GOLIM4: variants seen among roughly 807,000 people sequenced by gnomAD.
GOLIM4 encodes golgi integral membrane protein 4.
In GOLIM4, 71 loss-of-function variants were observed where a neutral mutation model predicts 107.4. The observed-to-expected ratio is 0.66, with a 90% CI of 0.55 to 0.81. The LOEUF (loss-of-function observed/expected upper bound fraction) is 0.81. Ranked by LOEUF, GOLIM4 falls within the 30% of genes least tolerant of loss-of-function variation. The pLI is 0.00. For missense variants in GOLIM4, 830 were observed against 826.1 expected, an observed-to-expected ratio of 1.00 and a Z score of -0.06; for synonymous variants, 327 against 294.8, an observed-to-expected ratio of 1.11 and a Z score of -1.12.
At chr3:168,075,286 GTTTTTTTTTTTT>G (rs374374393) in intron 1 of GOLIM4, among the ~76,000 whole-genome samples, 14 of 94,222 alleles carry the variant, frequency 1.5e-4, no homozygotes, top group East Asian at 2.8e-4. Context: ...ACATTCACTA[GTTTTTTTTTTTT>G]TTTTTTTTTT....
At chr3:168,041,323 C>G (rs2108243854) in intron 6 of GOLIM4, 69 bp downstream of exon 6, 2 of 921,832 alleles carry the variant, frequency 2.2e-6, no homozygotes, top group East Asian at 4.8e-5. Flanking sequence ...TAGGGAATGA[C>G]TTTTTAAAGT....
At chr3:168,072,258 G>T (rs192280924) in intron 1 of GOLIM4, among the ~76,000 whole-genome samples, 2 of 152,226 alleles carry the variant, frequency 1.3e-5, no homozygotes, top group African/African-American at 4.8e-5. Flanking sequence ...TCAGTGATGG[G>T]GTGGGAAGTC....
intron 1 of GOLIM4, among the ~76,000 whole-genome samples, chr3:168,079,562 A>C (rs1337894820): frequency 6.6e-6 from 1 of 152,218 alleles, no homozygotes; most frequent in Non-Finnish European, 1.5e-5. Context: ...GTTACAATTC[A>C]AAGTTGAATA....
chr3:168,015,576 T>A (rs1362037375), intron 14 of GOLIM4, among the ~76,000 whole-genome samples: 3 of 136,944 alleles, frequency 2.2e-5, no homozygotes, highest in African/African-American at 1.1e-4. Context: ...AGAGCCCGCA[T>A]CGCCAAGTCA....
intron 14 of GOLIM4, among the ~76,000 whole-genome samples, chr3:168,011,540 C>G (rs1273731169): frequency 6.6e-6 from 1 of 151,842 alleles, no homozygotes; most frequent in Non-Finnish European, 1.5e-5. Flanking sequence ...GCGGAGCCCA[C>G]CACAGCTCAA....
Position 168,095,098 on chromosome 3 carries a change from C to T in GOLIM4, c.187+1G>A. 1 of 1,598,992 alleles carries T rather than the reference C, an allele frequency of 6.3e-7. No homozygotes were observed. The highest frequency in any genetic ancestry group is 8.6e-7 in the Non-Finnish European group (1 of 1,168,646). On this transcript the variant is annotated splice_donor_variant, in intron 1 of 15. Coordinates refer to ENST00000470487, the MANE Select transcript of GOLIM4 (RefSeq NM_014498.5). LOFTEE classifies it high-confidence loss of function. ...GGCTGCGCGCGTCCCGTTAGCCGTA[C>T]CTTGTAACTGGGCGGAGAGGGACTC...
chr3:168,039,588 C>T (rs2108241519), intron 7 of GOLIM4, among the ~76,000 whole-genome samples: 1 of 152,190 alleles, frequency 6.6e-6, no homozygotes, highest in South Asian at 2.1e-4. Context: ...TATTATAAAA[C>T]CCTGTGAGTA....
chr3:168,055,466 G>A (rs1719894821), intron 1 of GOLIM4, among the ~76,000 whole-genome samples: 1 of 152,078 alleles, frequency 6.6e-6, no homozygotes, highest in Non-Finnish European at 1.5e-5. Flanking sequence ...ATGATTTAGG[G>A]ATCTGGTGGA....
chr3:168,068,152 T>C (rs1204303434), intron 1 of GOLIM4, among the ~76,000 whole-genome samples: 1 of 152,150 alleles, frequency 6.6e-6, no homozygotes, highest in African/African-American at 2.4e-5. Flanking sequence ...AATATATATG[T>C]GATACTACTG....
chr3:168,063,889 A>C (rs1387566411), intron 1 of GOLIM4, among the ~76,000 whole-genome samples: 3 of 152,138 alleles, frequency 2.0e-5, no homozygotes, highest in Non-Finnish European at 4.4e-5. Context: ...TTGAAGGAAA[A>C]AAAAAGAAGC....
At position 168,030,343 on chromosome 3, in the gene GOLIM4, C is replaced by T. The variant is rs922035714; in HGVS notation, c.1177-307G>A. On this transcript the variant is annotated intron_variant, in intron 9 of 15. Transcript: ENST00000470487. ...AGTTTCAAACTGTAAAATTTATGTTCACAAGGCTCTGATATAAACAAGTAG... is the reference window on the plus strand; with the variant it reads ...AGTTTCAAACTGTAAAATTTATGTTTACAAGGCTCTGATATAAACAAGTAG... Among the ~76,000 whole-genome samples, 3 of 152,086 alleles carry T rather than the reference C, an allele frequency of 2.0e-5. No homozygotes were observed. In the East Asian group the frequency reaches 5.8e-4, roughly 29 times the overall value.
intron 1 of GOLIM4, among the ~76,000 whole-genome samples, chr3:168,050,292 G>A (rs1719541809): frequency 6.6e-6 from 1 of 152,138 alleles, no homozygotes; most frequent in Non-Finnish European, 1.5e-5. Context: ...ACATATACAT[G>A]TATGGAGTGT....
At chr3:168,079,947 T>C (rs943848166) in intron 1 of GOLIM4, among the ~76,000 whole-genome samples, 7 of 152,188 alleles carry the variant, frequency 4.6e-5, no homozygotes, top group African/African-American at 1.7e-4. Flanking sequence ...TTGTCATGAA[T>C]ATTAAGTTTA....
At position 168,076,717 on chromosome 3, in the gene GOLIM4, T is replaced by TCAAC. The variant is rs1278414451; in HGVS notation, c.187+18381_187+18382insGTTG. Among the ~76,000 whole-genome samples, 134 of 152,070 alleles carry TCAAC rather than the reference T, an allele frequency of 8.8e-4. 12 individuals carry two copies. The highest frequency in any genetic ancestry group is 1.2e-3 in the Non-Finnish European group (79 of 67,956). On this transcript the variant is annotated intron_variant, in intron 1 of 15. Transcript: ENST00000470487. ...ATCAATCAATCAATCAATCAATCAA[T>TCAAC]AAAATGGTTAATCATATCATCTTTT...
rs76146698 is a variant in GOLIM4, at chr3:168,045,808, C to G, written c.313-927G>C. Among the ~76,000 whole-genome samples, 117 of 152,266 alleles carry G rather than the reference C, an allele frequency of 7.7e-4. 4 individuals are homozygous for G. In the East Asian group the frequency reaches 0.022, roughly 29 times the overall value. Reference sequence around the variant, plus strand: ...GTAAGGAAATTACAAGTGCACACAGCTTTGGTTAGTGCTGTTAAAAGCAAG... The same window carrying G: ...GTAAGGAAATTACAAGTGCACACAGGTTTGGTTAGTGCTGTTAAAAGCAAG... On this transcript the variant is annotated intron_variant, in intron 3 of 15. Coordinates refer to ENST00000470487, the MANE Select transcript of GOLIM4 (RefSeq NM_014498.5).
chr3:168,089,491 G>A (rs1297393646), intron 1 of GOLIM4, among the ~76,000 whole-genome samples: 2 of 152,168 alleles, frequency 1.3e-5, no homozygotes, highest in Non-Finnish European at 2.9e-5. Flanking sequence ...CCTTTTGTAA[G>A]CACTATTATC....
At position 168,076,583 on chromosome 3, in the gene GOLIM4, C is replaced by T. The variant is rs151106321; in HGVS notation, c.187+18516G>A. On this transcript the variant is annotated intron_variant, in intron 1 of 15. Coordinates refer to ENST00000470487, the MANE Select transcript of GOLIM4 (RefSeq NM_014498.5). ...GCGCACACCTGTAGTCCCAGCTACT[C>T]AGGAGGCTGAGGCAGAAGAATTGCT... 8.3e-3 allele frequency among the ~76,000 whole-genome samples: 1,264 copies of T among 152,176 alleles called. 56 individuals carry two copies. Among genetic ancestry groups the T allele is most frequent in the East Asian group, 0.068 (353 of 5,162 alleles).
chr3:168,085,838 A>G (rs1011489814), intron 1 of GOLIM4, among the ~76,000 whole-genome samples: 6 of 152,120 alleles, frequency 3.9e-5, no homozygotes, highest in Non-Finnish European at 7.4e-5. Context: ...TTTTTTAAAC[A>G]GGAATATCTA....
At chr3:168,018,020 C>T (rs957782613) in intron 14 of GOLIM4, among the ~76,000 whole-genome samples, 6 of 152,092 alleles carry the variant, frequency 3.9e-5, no homozygotes, top group African/African-American at 1.4e-4. Context: ...CATTTTCTAA[C>T]TTGTTAACTA....
Sources: gnomAD v4.1 joint callset for allele counts (sites outside exome capture counted in the v4.1 genomes callset) on GRCh38, gnomAD v4.1.1 for gene constraint, MANE v1.5 for transcripts, NCBI Gene and HGNC (gene_info 2026-07-23, HGNC 2026-07-21) for gene names.